TMC1: variants seen among roughly 807,000 people sequenced by gnomAD.
The protein encoded by TMC1 is transmembrane channel-like protein 1.
TMC1 carries 84 observed loss-of-function variants against 105.8 expected under a neutral mutation model. That is an observed-to-expected ratio of 0.79 (90% confidence interval 0.67 to 0.95). The LOEUF is 0.95. Among genes scored for constraint, TMC1 ranks in the 40% least tolerant of loss-of-function variants. The pLI, the probability that TMC1 is intolerant of heterozygous loss-of-function variation, is 0.00. For synonymous variants in TMC1, 315 were observed against 311.5 expected (o/e 1.01, Z -0.12); for missense variants, 817 against 914.1 (o/e 0.89, Z 1.37).
intron 2 of TMC1, among the ~76,000 whole-genome samples, chr9:72,598,458 T>G (rs1306721086): frequency 6.6e-6 from 1 of 152,076 alleles, no homozygotes; most frequent in African/African-American, 2.4e-5. Context: ...TTTTTCTCCC[T>G]TAGGAGAATG....
chr9:72,574,376 G>T (rs2132092782), intron 1 of TMC1, among the ~76,000 whole-genome samples: 1 of 152,044 alleles, frequency 6.6e-6, no homozygotes, highest in South Asian at 2.1e-4. Flanking sequence ...TTGCCATCCT[G>T]ACTGATCCCT....
chr9:72,612,479 A>ATT (rs34440125), intron 2 of TMC1, among the ~76,000 whole-genome samples: 50 of 147,234 alleles, frequency 3.4e-4, no homozygotes, highest in Admixed American at 1.6e-3. Context: ...CGGCCCAAAC[A>ATT]TTTTTTTTTT....
intron 13 of TMC1, among the ~76,000 whole-genome samples, chr9:72,786,147 T>C (rs987511555): frequency 3.3e-5 from 5 of 152,110 alleles, no homozygotes; most frequent in Admixed American, 3.3e-4. Flanking sequence ...AGAAATTCAG[T>C]ATAAAAACCT....
chr9:72,750,543 CT>C (rs34592210), intron 10 of TMC1, among the ~76,000 whole-genome samples: 38,873 of 151,426 alleles, frequency 0.26, 5,402 homozygotes, highest in East Asian at 0.39. Flanking sequence ...TAAGAGGGTG[CT>C]TTTTTTTTCT....
At chr9:72,782,473 G>A (rs71505996) in intron 13 of TMC1, among the ~76,000 whole-genome samples, 3,776 of 152,218 alleles carry the variant, frequency 0.025, 79 homozygotes, top group Admixed American at 0.038. Flanking sequence ...AATTAGGCAA[G>A]AGAAAGAAAT....
chr9:72,684,360 T>C (rs1366591384), intron 5 of TMC1, among the ~76,000 whole-genome samples: 1 of 152,156 alleles, frequency 6.6e-6, no homozygotes, highest in Non-Finnish European at 1.5e-5. Context: ...AGTGGTCAAT[T>C]TTCAGTCCAC....
chr9:72,827,645 T>C (rs1458213093), intron 21 of TMC1, among the ~76,000 whole-genome samples: 4 of 152,230 alleles, frequency 2.6e-5, no homozygotes, highest in Non-Finnish European at 5.9e-5. Context: ...CTTCTGACTC[T>C]TGGCCATCAC....
At chr9:72,587,195 G>C (rs1488478421) in intron 2 of TMC1, among the ~76,000 whole-genome samples, 1 of 147,654 alleles carries the variant, frequency 6.8e-6, no homozygotes, top group Non-Finnish European at 1.5e-5. Flanking sequence ...TTTCACTCTT[G>C]TTGCCCAGGC....
chr9:72,584,050 T>G (rs1824513365), intron 2 of TMC1, among the ~76,000 whole-genome samples: 1 of 152,212 alleles, frequency 6.6e-6, no homozygotes, highest in African/African-American at 2.4e-5. Context: ...GTACTCAGTC[T>G]TTCTAGTGCC....
intron 1 of TMC1, among the ~76,000 whole-genome samples, chr9:72,530,505 G>A (rs1030493825): frequency 6.6e-6 from 1 of 151,704 alleles, no homozygotes; most frequent in Admixed American, 6.6e-5. Flanking sequence ...CAGAAGAATC[G>A]CTTGAACCCG....
chr9:72,689,404 G>A (rs994961322), intron 6 of TMC1, among the ~76,000 whole-genome samples: 2 of 152,090 alleles, frequency 1.3e-5, no homozygotes, highest in Non-Finnish European at 2.9e-5. Flanking sequence ...TGAGAAGAAT[G>A]TTTATTCTGT....
chr9:72,648,760 G>A (rs943217156), intron 5 of TMC1, 96 bp downstream of exon 5: 5 of 1,142,040 alleles, frequency 4.4e-6, no homozygotes, highest in East Asian at 4.7e-5. Context: ...TACAATTTTT[G>A]TTCCCTCTTT....
rs535223602 is a variant in TMC1 at position 72,743,159 on chromosome 9, A to T, written c.535+634A>T. ...GAGGCGGGCGGATCACGAGGTCAGGAGATCGAGACCATCCCGGCTAAAACG... is the reference window on the plus strand; with the variant it reads ...GAGGCGGGCGGATCACGAGGTCAGGTGATCGAGACCATCCCGGCTAAAACG... On this transcript the variant is annotated intron_variant, in intron 10 of 23. Coordinates refer to ENST00000297784, the MANE Select transcript of TMC1 (RefSeq NM_138691.3). Among the ~76,000 whole-genome samples the T allele has an allele frequency of 2.0e-5, 3 of 151,924 alleles. No homozygotes were observed. In the South Asian group the frequency reaches 6.3e-4, roughly 32 times the overall value.
chr9:72,729,183 G>A (rs1259677355), intron 8 of TMC1, among the ~76,000 whole-genome samples: 1 of 151,998 alleles, frequency 6.6e-6, no homozygotes, highest in Admixed American at 6.6e-5. Flanking sequence ...ACATCTTCAT[G>A]AGTATCATCA....
chr9:72,551,703 T>A (rs1823862623), intron 1 of TMC1, among the ~76,000 whole-genome samples: 1 of 152,182 alleles, frequency 6.6e-6, no homozygotes, highest in Non-Finnish European at 1.5e-5. Context: ...CTCCAGGACC[T>A]GTAAATGTTC....
chr9:72,727,911 T>TA (rs1827149146), intron 8 of TMC1, among the ~76,000 whole-genome samples: 1 of 152,068 alleles, frequency 6.6e-6, no homozygotes, highest in African/African-American at 2.4e-5. Context: ...TTCATAGAGC[T>TA]TAAAGAGACT....
chr9:72,698,776 G>A (rs146825151), intron 7 of TMC1, among the ~76,000 whole-genome samples: 221 of 152,278 alleles, frequency 1.5e-3, no homozygotes, highest in African/African-American at 4.8e-3. Context: ...CTGCAGAGGG[G>A]CTGATGCTCT....
At position 72,789,115 on chromosome 9, in the gene TMC1, G is replaced by C; in HGVS notation, c.1030-8G>C. 1 of 1,611,944 alleles carries C rather than the reference G, an allele frequency of 6.2e-7. No homozygotes were observed. Among genetic ancestry groups the C allele is most frequent in the Non-Finnish European group, 8.5e-7 (1 of 1,179,686 alleles). ...TTTTTGTTTGTTTGTTTGTTTTCAT[G>C]GATACAGGAAGCTATCACAGAAGAA... On this transcript the variant is annotated splice_polypyrimidine_tract_variant and splice_region_variant and intron_variant, in intron 14 of 23. Transcript: ENST00000297784.
chr9:72,806,403 CG>C (rs1828588503), intron 18 of TMC1, among the ~76,000 whole-genome samples: 1 of 141,342 alleles, frequency 7.1e-6, no homozygotes, highest in South Asian at 2.2e-4. Flanking sequence ...GGGGGGCTGA[CG>C]CCCCCACCTC....
Sources: allele counts gnomAD v4.1 joint callset (sites outside exome capture counted in the v4.1 genomes callset), GRCh38; gene constraint gnomAD v4.1.1; transcripts MANE v1.5; gene names NCBI Gene and HGNC (gene_info 2026-07-23, HGNC 2026-07-21).